CAPZB: variants seen among roughly 807,000 people sequenced by gnomAD.
CAPZB encodes the protein capping actin protein of muscle Z-line subunit beta, also known as F-actin-capping protein subunit beta.
In CAPZB, 2 loss-of-function variants were observed where a neutral mutation model predicts 38.1. That is an observed-to-expected ratio of 0.05 (90% CI 0.02 to 0.17). The LOEUF (loss-of-function observed/expected upper bound fraction) is 0.17, where lower values mean the gene tolerates loss of function less well. Ranked by LOEUF, CAPZB falls within the 10% of genes least tolerant of loss-of-function variation. The pLI is 1.00. For synonymous variants in CAPZB, 107 were observed against 127.4 expected (o/e 0.84, Z 1.08); for missense variants, 161 against 334.2 (o/e 0.48, Z 4.04).
chr1:19,355,129 C>G (rs549444873), intron 6 of CAPZB, among the ~76,000 whole-genome samples: 1 of 152,288 alleles, frequency 6.6e-6, no homozygotes, highest in South Asian at 2.1e-4. Flanking sequence ...CTGACATTCA[C>G]CTTGCGCCAC....
chr1:19,350,475 C>T (rs1012859895), intron 6 of CAPZB, among the ~76,000 whole-genome samples: 10 of 152,254 alleles, frequency 6.6e-5, no homozygotes, highest in African/African-American at 2.2e-4. Context: ...CAGGACCCGG[C>T]GTGCAGCCAG....
At chr1:19,341,937 T>G (rs371975444) in intron 8 of CAPZB, among the ~76,000 whole-genome samples, 1 of 152,244 alleles carries the variant, frequency 6.6e-6, no homozygotes. Flanking sequence ...ACCTGGGCTC[T>G]GCAGCCCCAG....
At chr1:19,379,528 G>C (rs2094162754) in intron 3 of CAPZB, among the ~76,000 whole-genome samples, 2 of 152,182 alleles carry the variant, frequency 1.3e-5, no homozygotes, top group Admixed American at 6.5e-5. Flanking sequence ...ACAGAGGCGG[G>C]CAAGAGATAC....
chr1:19,439,034 T>G (rs549335865), intron 1 of CAPZB, among the ~76,000 whole-genome samples: 2 of 152,230 alleles, frequency 1.3e-5, no homozygotes, highest in Non-Finnish European at 2.9e-5. Flanking sequence ...TTCTTACATG[T>G]TGTAAACATC....
chr1:19,484,671 C>T lies in CAPZB; in HGVS notation c.3+765G>A, dbSNP rs970740263. On this transcript the variant is annotated intron_variant, in intron 1 of 8. Coordinates refer to ENST00000264202, the MANE Select transcript of CAPZB (RefSeq NM_004930.5). ...CGCGCCCCAGGTACAGGGAAGGGGA[C>T]CCTGGGTCGTGCACCAGGCAGGGGG... The T allele has an allele frequency of 3.7e-5, 42 of 1,150,168 alleles. 1 individual carries two copies. In the South Asian group the frequency reaches 6.2e-4, roughly 17 times the overall value. 71.2% of individuals were successfully genotyped at this position (1,150,168 alleles called of 1,614,324 possible). A position where few individuals can be genotyped will look rare whatever the true frequency, so the allele number is the denominator to read the frequency against.
chr1:19,353,089 G>A (rs1455138408), intron 6 of CAPZB, among the ~76,000 whole-genome samples: 1 of 152,250 alleles, frequency 6.6e-6, no homozygotes, highest in Non-Finnish European at 1.5e-5. Context: ...CACACACAGG[G>A]AAGGGCAGCT....
At chr1:19,396,604 C>T (rs72959329) in intron 2 of CAPZB, among the ~76,000 whole-genome samples, 7,690 of 152,144 alleles carry the variant, frequency 0.051, 642 homozygotes, top group African/African-American at 0.17. Context: ...TCTTCCCGGA[C>T]GGTCCTCAGT....
At chr1:19,415,638 G>A (rs2094375693) in intron 2 of CAPZB, among the ~76,000 whole-genome samples, 13 of 152,250 alleles carry the variant, frequency 8.5e-5, no homozygotes, top group Admixed American at 8.5e-4. Flanking sequence ...CCTTATATGA[G>A]CATCGCACGT....
intron 4 of CAPZB, among the ~76,000 whole-genome samples, chr1:19,359,745 CA>C (rs2094042754): frequency 6.6e-6 from 1 of 152,206 alleles, no homozygotes; most frequent in African/African-American, 2.4e-5. Context: ...AGGTGCAGCA[CA>C]GGCATCCTTT....
intron 1 of CAPZB, among the ~76,000 whole-genome samples, chr1:19,468,084 C>A (rs936012168): frequency 2.0e-5 from 3 of 152,238 alleles, no homozygotes; most frequent in Admixed American, 2.0e-4. Flanking sequence ...GCCTGGGTGA[C>A]AGAGTGAGAC....
intron 1 of CAPZB, among the ~76,000 whole-genome samples, chr1:19,475,758 C>G (rs952887401): frequency 1.3e-5 from 2 of 152,148 alleles, no homozygotes; most frequent in Non-Finnish European, 2.9e-5. Flanking sequence ...TTAATTCAAC[C>G]CTTTTTTACC....
At chr1:19,366,307 T>TATATATAA (rs1243032633) in intron 4 of CAPZB, among the ~76,000 whole-genome samples, 1 of 74,166 alleles carries the variant, frequency 1.3e-5, no homozygotes, top group South Asian at 3.4e-4. Flanking sequence ...TATATATATA[T>TATATATAA]ATAAATAAAA....
At chr1:19,445,727 T>G (rs1285248930) in intron 1 of CAPZB, among the ~76,000 whole-genome samples, 1 of 152,174 alleles carries the variant, frequency 6.6e-6, no homozygotes, top group Non-Finnish European at 1.5e-5. Context: ...TGCAAATGGA[T>G]GCAGGAGGTG....
rs577829168 is a variant in CAPZB, at chr1:19,368,137, G to A, written c.329+10403C>T. On this transcript the variant is annotated intron_variant, in intron 4 of 8. Coordinates refer to ENST00000264202, the MANE Select transcript of CAPZB (RefSeq NM_004930.5). The stretch of plus-strand genomic sequence containing the variant: ...ACTGTAACCCAGAGAGATAAGGAAC[G>A]TGCCCAAGTCACAGGCTGAGAAGCA... Among the ~76,000 whole-genome samples, 4 of 152,242 alleles carry A rather than the reference G, an allele frequency of 2.6e-5. No individual in the cohort carries two copies. The East Asian group carries it at 7.7e-4, about 29-fold the overall frequency.
At chr1:19,355,852 T>C (rs894439613) in intron 6 of CAPZB, among the ~76,000 whole-genome samples, 2 of 152,188 alleles carry the variant, frequency 1.3e-5, no homozygotes, top group Non-Finnish European at 2.9e-5. Flanking sequence ...GGGATGGGAA[T>C]GTAAAGGGTC....
rs71008151 is a variant in CAPZB at position 19,366,283 on chromosome 1, A to AATAAATATATAT, written c.330-8721_330-8720insATATATATTTAT. Reference sequence around the variant, plus strand: ...GCAACATAGTGAGACCGTGTCTTAAAATATATATATATATATATATATATA... The same window carrying AATAAATATATAT: ...GCAACATAGTGAGACCGTGTCTTAAAATAAATATATATATATATATATATATATATATATATA... On this transcript the variant is annotated intron_variant, in intron 4 of 8. Coordinates refer to ENST00000264202, the MANE Select transcript of CAPZB (RefSeq NM_004930.5). Among the ~76,000 whole-genome samples the AATAAATATATAT allele has an allele frequency of 7.3e-4, 44 of 60,498 alleles. 2 individuals are homozygous for AATAAATATATAT. The highest frequency in any genetic ancestry group is 1.2e-3 in the Non-Finnish European group (36 of 28,988). The allele number at this position is 60,498 out of a possible 152,430, so 39.7% of individuals were successfully genotyped here.
intron 4 of CAPZB, among the ~76,000 whole-genome samples, chr1:19,376,106 T>G (rs1226171757): frequency 6.6e-6 from 1 of 151,720 alleles, no homozygotes; most frequent in African/African-American, 2.4e-5. Context: ...ATTAAGGGAG[T>G]AACAACATGA....
chr1:19,376,122 T>C (rs1405046149), intron 4 of CAPZB, among the ~76,000 whole-genome samples: 1 of 152,106 alleles, frequency 6.6e-6, no homozygotes, highest in Non-Finnish European at 1.5e-5. Flanking sequence ...CATGAACACT[T>C]AAGTCTCATA....
At chr1:19,448,635 G>A (rs1476956633) in intron 1 of CAPZB, among the ~76,000 whole-genome samples, 1 of 152,200 alleles carries the variant, frequency 6.6e-6, no homozygotes, top group African/African-American at 2.4e-5. Flanking sequence ...GCTGCCTGGT[G>A]ACCAGACTAA....
Sources: allele counts gnomAD v4.1 joint callset (sites outside exome capture counted in the v4.1 genomes callset), GRCh38; gene constraint gnomAD v4.1.1; transcripts MANE v1.5; gene names NCBI Gene and HGNC (gene_info 2026-07-23, HGNC 2026-07-21).